Variants in PRKD1 observed in about 807,000 individuals in gnomAD.
The protein encoded by PRKD1 is protein kinase D1.
A neutral mutation model predicts 95.9 loss-of-function variants in PRKD1; 63 were observed. The observed-to-expected ratio is 0.66, with a 90% CI of 0.54 to 0.81. The LOEUF (loss-of-function observed/expected upper bound fraction) is 0.81, where lower values mean the gene tolerates loss of function less well. PRKD1 is among the 30% of genes least tolerant of loss of function. The probability of loss-of-function intolerance (pLI) is 0.00; values close to 1 mark genes in which losing one functional copy is unlikely to be tolerated. For missense variants in PRKD1, 1,048 were observed against 1,165.3 expected (o/e 0.90, Z 1.47); for synonymous variants, 425 against 423.1 (o/e 1.00, Z -0.05).
intron 2 of PRKD1, among the ~76,000 whole-genome samples, chr14:29,722,663 A>G (rs1468294955): frequency 6.6e-6 from 1 of 152,168 alleles, no homozygotes; most frequent in Non-Finnish European, 1.5e-5. Flanking sequence ...TTGCTGAACA[A>G]TAGTTAGGCC....
At chr14:29,580,087 G>A (rs1401661176) in intron 16 of PRKD1, among the ~76,000 whole-genome samples, 3 of 152,122 alleles carry the variant, frequency 2.0e-5, no homozygotes, top group African/African-American at 4.8e-5. Context: ...CACTGCCCTA[G>A]ACACTGCAGG....
Position 29,761,970 on chromosome 14 carries a change from C to T in PRKD1, c.265-36296G>A, listed in dbSNP as rs368562437. Among the ~76,000 whole-genome samples the T allele has an allele frequency of 2.6e-5, 4 of 151,976 alleles. No individual in the cohort carries two copies. The East Asian group carries it at 7.8e-4, about 30-fold the overall frequency. On this transcript the variant is annotated intron_variant, in intron 1 of 17. Coordinates refer to ENST00000331968, the MANE Select transcript of PRKD1 (RefSeq NM_002742.3). ...TATTTTTCGTAGAGATGGGGTCTCA[C>T]TATGTTCCCCAGGATGGCCTTGAAC...
intron 1 of PRKD1, among the ~76,000 whole-genome samples, chr14:29,872,075 C>T (rs1418526959): frequency 2.6e-5 from 4 of 152,156 alleles, no homozygotes; most frequent in Admixed American, 2.6e-4. Context: ...ATCTTATTCT[C>T]ATAATCTATT....
intron 1 of PRKD1, among the ~76,000 whole-genome samples, chr14:29,896,777 T>A (rs1361764424): frequency 6.7e-6 from 1 of 149,438 alleles, no homozygotes; most frequent in Non-Finnish European, 1.5e-5. Flanking sequence ...TCTGTCACCA[T>A]AACCGACATG....
chr14:29,796,807 G>T (rs1225055422), intron 1 of PRKD1, among the ~76,000 whole-genome samples: 2 of 152,186 alleles, frequency 1.3e-5, no homozygotes, highest in Non-Finnish European at 2.9e-5. Flanking sequence ...ATGTTTAGGA[G>T]TTAATTAAAG....
At chr14:29,889,299 C>A (rs1004281457) in intron 1 of PRKD1, among the ~76,000 whole-genome samples, 5 of 152,146 alleles carry the variant, frequency 3.3e-5, no homozygotes, top group African/African-American at 1.2e-4. Flanking sequence ...GTCTACAGTT[C>A]CCAGCGAGAT....
At chr14:29,818,058 C>T (rs1014173281) in intron 1 of PRKD1, among the ~76,000 whole-genome samples, 2 of 152,150 alleles carry the variant, frequency 1.3e-5, no homozygotes, top group African/African-American at 4.8e-5. Context: ...ATTTCTTCTA[C>T]CTTGCTGCCT....
At chr14:29,589,632 T>C (rs1893056709) in intron 16 of PRKD1, among the ~76,000 whole-genome samples, 1 of 151,932 alleles carries the variant, frequency 6.6e-6, no homozygotes, top group Non-Finnish European at 1.5e-5. Context: ...TATTATATAT[T>C]ATTTATTTCA....
intron 1 of PRKD1, among the ~76,000 whole-genome samples, chr14:29,826,720 T>C (rs74215340): frequency 0.031 from 1,928 of 63,200 alleles, 349 homozygotes; most frequent in South Asian, 0.061. Context: ...CATATATATA[T>C]ACATATATAT....
At chr14:29,737,511 T>G (rs558817331) in intron 1 of PRKD1, among the ~76,000 whole-genome samples, 2 of 152,272 alleles carry the variant, frequency 1.3e-5, no homozygotes, top group African/African-American at 4.8e-5. Context: ...CCAAGAACTC[T>G]TCCTTTCCAC....
At chr14:29,710,594 T>C (rs1885292430) in intron 2 of PRKD1, among the ~76,000 whole-genome samples, 1 of 152,014 alleles carries the variant, frequency 6.6e-6, no homozygotes, top group Non-Finnish European at 1.5e-5. Context: ...AGAGGAGACT[T>C]TGAAAATATA....
chr14:29,612,826 C>T (rs1266275662), intron 13 of PRKD1, among the ~76,000 whole-genome samples: 1 of 152,130 alleles, frequency 6.6e-6, no homozygotes, highest in African/African-American at 2.4e-5. Context: ...AGGGCGGGCA[C>T]GGTGGCTCAC....
At chr14:29,824,831 T>C (rs1891047812) in intron 1 of PRKD1, among the ~76,000 whole-genome samples, 1 of 151,966 alleles carries the variant, frequency 6.6e-6, no homozygotes, top group African/African-American at 2.4e-5. Context: ...GTCTTACTTA[T>C]ATATATATAT....
chr14:29,813,915 T>C (rs2139250605), intron 1 of PRKD1, among the ~76,000 whole-genome samples: 1 of 152,332 alleles, frequency 6.6e-6, no homozygotes, highest in East Asian at 1.9e-4. Flanking sequence ...CAAATTAGTT[T>C]TGCCACTGCT....
chr14:29,671,989 C>T (rs1028871982), intron 2 of PRKD1, among the ~76,000 whole-genome samples: 7 of 152,104 alleles, frequency 4.6e-5, no homozygotes, highest in African/African-American at 1.2e-4. Context: ...GAAATCTACC[C>T]TATGTATATA....
intron 2 of PRKD1, among the ~76,000 whole-genome samples, chr14:29,670,098 G>C (rs749740741): frequency 3.9e-5 from 6 of 151,964 alleles, no homozygotes; most frequent in Non-Finnish European, 5.9e-5. Context: ...TAAAAATAAG[G>C]CATTTTTATG....
intron 13 of PRKD1, among the ~76,000 whole-genome samples, chr14:29,621,272 G>C (rs900838773): frequency 6.6e-6 from 1 of 151,566 alleles, no homozygotes; most frequent in Admixed American, 6.6e-5. Context: ...CAGCACACCA[G>C]CATGGCACAT....
chr14:29,577,513 T>G (rs1213013004), intron 17 of PRKD1, 57 bp from the exon 18 acceptor site: 1 of 1,506,680 alleles, frequency 6.6e-7, no homozygotes, highest in Admixed American at 1.7e-5. Flanking sequence ...AACATACTGT[T>G]TCATATGATG....
intron 1 of PRKD1, among the ~76,000 whole-genome samples, chr14:29,780,840 G>A (rs886346619): frequency 5.3e-5 from 8 of 152,058 alleles, no homozygotes; most frequent in Non-Finnish European, 8.8e-5. Flanking sequence ...ACATGCACAC[G>A]TACGTTTATT....
Sources: gnomAD v4.1 joint callset for allele counts (sites outside exome capture counted in the v4.1 genomes callset) on GRCh38, gnomAD v4.1.1 for gene constraint, MANE v1.5 for transcripts, NCBI Gene and HGNC (gene_info 2026-07-23, HGNC 2026-07-21) for gene names.